Variants in FAM234A observed in about 807,000 individuals in gnomAD.
FAM234A encodes the protein protein FAM234A.
Under a neutral mutation model 49.1 loss-of-function variants are expected in FAM234A, and 42 were observed. That is an observed-to-expected ratio of 0.86 (90% CI 0.67 to 1.11). The LOEUF (loss-of-function observed/expected upper bound fraction) is 1.11. Among genes scored for constraint, FAM234A ranks in the 50% least tolerant of loss-of-function variants. The probability of loss-of-function intolerance (pLI) is 0.00; values close to 1 mark genes in which losing one functional copy is unlikely to be tolerated. For missense variants in FAM234A, 815 were observed against 745.2 expected (o/e 1.09, Z -1.09); for synonymous variants, 369 against 316.2 (o/e 1.17, Z -1.77).
Position 235,170 on chromosome 16 carries a change from C to T in FAM234A, c.-140+313C>T, listed in dbSNP as rs571512121. Among the ~76,000 whole-genome samples, 75 of 152,364 alleles carry T rather than the reference C, an allele frequency of 4.9e-4. No homozygotes were observed. In the South Asian group the frequency reaches 0.012, roughly 25 times the overall value. On this transcript the variant is annotated intron_variant, in intron 1 of 12. Coordinates refer to ENST00000399932, the MANE Select transcript of FAM234A (RefSeq NM_032039.4). ...CATGTTCCTCAAAGCGGGGTTTTACCTCCCGGTAGGGAGCTCCCCGCCGTG... is the reference window on the plus strand; with the variant it reads ...CATGTTCCTCAAAGCGGGGTTTTACTTCCCGGTAGGGAGCTCCCCGCCGTG...
chr16:260,120 G>A lies in FAM234A; in HGVS notation c.537G>A (p.Val179=). The stretch of plus-strand genomic sequence containing the variant: ...AGGCACCTTCTGCCTGCATCCTGGT[G>A]GGCAGACCCAGTTCTTTCATTGCAG... The part of the protein sequence containing the change: ...GSEAPSACIL[V]GRPSSFIAVN... The change falls in exon 5 of 13, where the codon GTG becomes GTA. Residue 179 remains valine (V), a synonymous_variant. Coordinates refer to ENST00000399932, the MANE Select transcript of FAM234A (RefSeq NM_032039.4). 6.2e-7 allele frequency: 1 copy of A among 1,613,904 alleles called. No individual in the cohort carries two copies. The highest frequency in any genetic ancestry group is 1.1e-5 in the South Asian group (1 of 91,082).
Position 249,902 on chromosome 16 carries a change from C to A in FAM234A, c.-34+248C>A, listed in dbSNP as rs983140994. Among the ~76,000 whole-genome samples the A allele has an allele frequency of 3.9e-5, 6 of 152,026 alleles. No individual in the cohort carries two copies. In the East Asian group the frequency reaches 9.6e-4, roughly 24 times the overall value. On this transcript the variant is annotated intron_variant, in intron 2 of 12. Transcript: ENST00000399932. Reference sequence around the variant, plus strand: ...ATTCTGGTTCTTACTCCGTTTTTTTCTTTCCTTTGCCAAAGGAATCTATGT... The same window carrying A: ...ATTCTGGTTCTTACTCCGTTTTTTTATTTCCTTTGCCAAAGGAATCTATGT...
At chr16:269,655 G>A, downstream of FAM234A, 2 of 1,248,070 alleles carry the variant, frequency 1.6e-6, no homozygotes, top group East Asian at 2.4e-5. Context: ...ACCCGAAGGA[G>A]CAGCCAAACA....
chr16:244,682 CTTTTTTTTTT>C (rs59549388), intron 1 of FAM234A, among the ~76,000 whole-genome samples: 1 of 86,740 alleles, frequency 1.2e-5, no homozygotes, highest in African/African-American at 4.7e-5. Flanking sequence ...ATGGTAACCT[CTTTTTTTTTT>C]TTTTTTTTTT....
At position 262,407 on chromosome 16, in the gene FAM234A, T is replaced by C; in HGVS notation, c.842-17T>C. ...GCGTGACCCTGGTGACCTCGGGCCC[T>C]TCTGTGTTTTGAATAGCAAGCTCCC... On this transcript the variant is annotated splice_polypyrimidine_tract_variant and intron_variant, in intron 7 of 12. Coordinates refer to ENST00000399932, the MANE Select transcript of FAM234A (RefSeq NM_032039.4). 6.3e-7 allele frequency: 1 copy of C among 1,586,702 alleles called. No individual in the cohort carries two copies. The highest frequency in any genetic ancestry group is 8.6e-7 in the Non-Finnish European group (1 of 1,164,908).
chr16:236,516 G>C (rs2050405002), intron 1 of FAM234A, among the ~76,000 whole-genome samples: 1 of 151,606 alleles, frequency 6.6e-6, no homozygotes, highest in Non-Finnish European at 1.5e-5. Context: ...CCAGCTACTT[G>C]GGAGGCTGGG....
Position 263,495 on chromosome 16 carries a change from G to A in FAM234A, c.1112+93G>A, listed in dbSNP as rs1439323186. On this transcript the variant is annotated intron_variant, in intron 9 of 12. Transcript: ENST00000399932. ...GGCTGGCGAGGAGACAGCGCTGGGG[G>A]TGGGGCCGGAGGCCGTGTGCTGCTG... 3.9e-6 allele frequency: 6 copies of A among 1,534,402 alleles called. No homozygotes were observed. The East Asian group carries it at 1.2e-4, about 30-fold the overall frequency.
chr16:244,088 C>T (rs951950546), intron 1 of FAM234A, among the ~76,000 whole-genome samples: 1 of 152,044 alleles, frequency 6.6e-6, no homozygotes, highest in African/African-American at 2.4e-5. Context: ...CCTGCCTCAG[C>T]CTCCTGAGTA....
chr16:240,647 C>T (rs566582554), intron 1 of FAM234A, among the ~76,000 whole-genome samples: 82 of 151,988 alleles, frequency 5.4e-4, no homozygotes, highest in Non-Finnish European at 5.7e-4. Flanking sequence ...GGACTACAGG[C>T]GCGTGCCACC....
At chr16:267,191 G>A (rs1003093918), downstream of FAM234A, among the ~76,000 whole-genome samples, 2 of 152,060 alleles carry the variant, frequency 1.3e-5, no homozygotes, top group Non-Finnish European at 2.9e-5. Flanking sequence ...GGCAGGCTGG[G>A]GACAACTGCC....
chr16:235,933 A>G (rs2050383163), intron 1 of FAM234A, among the ~76,000 whole-genome samples: 1 of 151,438 alleles, frequency 6.6e-6, no homozygotes, highest in Non-Finnish European at 1.5e-5. Flanking sequence ...CAGGCGGATC[A>G]CCTGAGGTCA....
chr16:240,220 C>G (rs1472884799), intron 1 of FAM234A: 1 of 152,126 alleles, frequency 6.6e-6, no homozygotes, highest in African/African-American at 2.4e-5. Flanking sequence ...ACACTCGCTA[C>G]AAGATTGGTT....
In FAM234A at chr16:262,523, A is replaced by G. The variant is rs201299358; in HGVS notation, c.941A>G (p.Asn314Ser). 176 of 1,610,164 alleles carry G rather than the reference A, an allele frequency of 1.1e-4. No individual in the cohort carries two copies. Among genetic ancestry groups the G allele is most frequent in the Non-Finnish European group, 1.5e-4 (171 of 1,178,318 alleles). The change falls in exon 8 of 13, where the codon AAT (asparagine) becomes AGT (serine). Residue 314 changes from asparagine (N) to serine (S), a missense_variant. Physicochemically the swap from Asn to Ser is conservative, Grantham distance 46. Coordinates refer to ENST00000399932, the MANE Select transcript of FAM234A (RefSeq NM_032039.4). Reference protein sequence around the residue: ...KSDPHWESMLNATTRRMLSHS... With the variant: ...KSDPHWESMLSATTRRMLSHS... The stretch of plus-strand genomic sequence containing the variant: ...GACCCGCACTGGGAGAGCATGCTCA[A>G]TGCCACCACCCGCAGGATGCTTTCC...
chr16:261,565 G>A (rs763540084), intron 6 of FAM234A, 51 bp downstream of exon 6: 7 of 1,524,930 alleles, frequency 4.6e-6, no homozygotes, highest in Non-Finnish European at 6.2e-6. Flanking sequence ...CCTGCCACAC[G>A]GCCCTGCTCT....
chr16:252,477 CG>C (rs1399586798), intron 2 of FAM234A, among the ~76,000 whole-genome samples: 1 of 152,056 alleles, frequency 6.6e-6, no homozygotes, highest in Non-Finnish European at 1.5e-5. Context: ...CCACCGTGCC[CG>C]GCCGGAAAGT....
chr16:267,015 G>A (rs2051711396), downstream of FAM234A, among the ~76,000 whole-genome samples: 1 of 152,096 alleles, frequency 6.6e-6, no homozygotes, highest in Admixed American at 6.5e-5. Flanking sequence ...CGGAGTTGAG[G>A]GGCTGGGCCA....
intron 1 of FAM234A, among the ~76,000 whole-genome samples, chr16:237,215 C>A (rs1365121523): frequency 1.3e-5 from 2 of 152,058 alleles, no homozygotes; most frequent in Non-Finnish European, 2.9e-5. Context: ...CCTTCTTTTT[C>A]TTTTCAGGCT....
chr16:257,637 C>G (rs187826722), intron 3 of FAM234A, among the ~76,000 whole-genome samples: 32 of 151,932 alleles, frequency 2.1e-4, no homozygotes, highest in Non-Finnish European at 4.3e-4. Flanking sequence ...ATAATTTTAG[C>G]TCTTACGTTT....
chr16:261,230 C>A, intron 5 of FAM234A, 154 bp from the exon 6 acceptor site: 1 of 822,720 alleles, frequency 1.2e-6, no homozygotes, highest in Admixed American at 2.3e-5. Context: ...GCCGCCCTCC[C>A]CTCCTGTTGG....
Sources: allele counts gnomAD v4.1 joint callset (sites outside exome capture counted in the v4.1 genomes callset), GRCh38; gene constraint gnomAD v4.1.1; transcripts MANE v1.5; gene names NCBI Gene and HGNC (gene_info 2026-07-23, HGNC 2026-07-21).